Variants in TF observed in about 807,000 individuals in gnomAD.
The protein encoded by TF is transferrin, also known as serotransferrin.
Under a neutral mutation model 82.4 loss-of-function variants are expected in TF, and 55 were observed. That is an observed-to-expected ratio of 0.67 (90% CI 0.54 to 0.84). The LOEUF is 0.84. TF is among the 40% of genes least tolerant of loss of function. The pLI, the probability that TF is intolerant of heterozygous loss-of-function variation, is 0.00. For missense variants in TF, 737 were observed against 868.4 expected (o/e 0.85, Z 1.90); for synonymous variants, 332 against 332.6 (o/e 1.00, Z 0.02).
intron 1 of TF, chr3:133,748,165 G>A: frequency 1.8e-6 from 1 of 556,362 alleles, no homozygotes; most frequent in East Asian, 3.2e-5. Context: ...GCTGGGAGGT[G>A]ATGGCCATGC....
the TF span, among the ~76,000 whole-genome samples, chr3:133,686,172 C>A: frequency 6.6e-6 from 1 of 152,318 alleles, no homozygotes; most frequent in Non-Finnish European, 1.5e-5. Flanking sequence ...TGGATCCCTT[C>A]CTTACACCTT....
At chr3:133,683,221 A>G in the TF span, among the ~76,000 whole-genome samples, 1 of 152,232 alleles carries the variant, frequency 6.6e-6, no homozygotes, top group Non-Finnish European at 1.5e-5. Flanking sequence ...CATGGAAAGG[A>G]AAAACCGGTA....
the TF span, among the ~76,000 whole-genome samples, chr3:133,707,329 G>T: frequency 6.6e-6 from 1 of 152,160 alleles, no homozygotes; most frequent in African/African-American, 2.4e-5. Flanking sequence ...GTCATGGACC[G>T]CAGTGTGGTA....
At chr3:133,681,511 G>A in the TF span, among the ~76,000 whole-genome samples, 1 of 152,008 alleles carries the variant, frequency 6.6e-6, no homozygotes, top group East Asian at 1.9e-4. Context: ...CTAATACTGA[G>A]CTTTTCCAAA....
At chr3:133,678,063 A>G in the TF span, among the ~76,000 whole-genome samples, 1 of 151,942 alleles carries the variant, frequency 6.6e-6, no homozygotes, top group African/African-American at 2.4e-5. Context: ...CCCTGTGTCC[A>G]TGCATTCTCA....
Position 133,781,576 on chromosome 3 carries a change from T to C in TF, c.*2956T>C, listed in dbSNP as rs1415162658. 6.6e-6 allele frequency: 1 copy of C among 152,132 alleles called. No individual in the cohort carries two copies. Among genetic ancestry groups the C allele is most frequent in the Non-Finnish European group, 1.5e-5 (1 of 68,018 alleles). 9.4% of individuals were successfully genotyped at this position (152,132 alleles called of 1,614,324 possible). ...CTTTGGATAGGAAGACTCAGTATTG[T>C]AAAGATGTCAATTCTCCCTAAATTA... On this transcript the variant is annotated 3_prime_UTR_variant, in exon 17 of 17. Coordinates refer to ENST00000402696, the MANE Select transcript of TF (RefSeq NM_001063.4).
intron 14 of TF, among the ~76,000 whole-genome samples, chr3:133,772,069 G>A (rs138175612): frequency 6.6e-6 from 1 of 152,126 alleles, no homozygotes; most frequent in African/African-American, 2.4e-5. Flanking sequence ...AGACTCCTCT[G>A]TTCATATTGC....
At chr3:133,722,355 T>C in the TF span, among the ~76,000 whole-genome samples, 1 of 152,106 alleles carries the variant, frequency 6.6e-6, no homozygotes, top group East Asian at 1.9e-4. Context: ...TTGAGTCTTA[T>C]TTACTTAGCC....
the TF span, among the ~76,000 whole-genome samples, chr3:133,684,564 T>A: frequency 1.3e-5 from 2 of 152,134 alleles, no homozygotes; most frequent in African/African-American, 4.8e-5. Flanking sequence ...CATCAGAGAA[T>A]ACTATAAATA....
In TF at chr3:133,784,947, G is replaced by T. The variant is rs1311950828; in HGVS notation, c.*6327G>T. On this transcript the variant is annotated 3_prime_UTR_variant, in exon 17 of 17. Transcript: ENST00000402696. Reference sequence around the variant, plus strand: ...TAACAATACTATTTTTTAGGGAGGTGGGGGGGTCAGCCCCCCGCCTGGCCA... The same window carrying T: ...TAACAATACTATTTTTTAGGGAGGTTGGGGGGTCAGCCCCCCGCCTGGCCA... 2.5e-5 allele frequency: 2 copies of T among 79,944 alleles called. 1 individual carries two copies. The highest frequency in any genetic ancestry group is 6.3e-5 in the Non-Finnish European group (2 of 31,690). 5.0% of individuals were successfully genotyped at this position (79,944 alleles called of 1,614,324 possible).
At chr3:133,741,079 C>T (rs1234384396), upstream of TF, among the ~76,000 whole-genome samples, 1 of 148,552 alleles carries the variant, frequency 6.7e-6, no homozygotes, top group East Asian at 2.0e-4. Flanking sequence ...GCAACCTCTG[C>T]CTCCCAGATT....
the TF span, among the ~76,000 whole-genome samples, chr3:133,730,793 G>A: frequency 9.9e-5 from 15 of 152,156 alleles, no homozygotes; most frequent in Admixed American, 2.6e-4. Flanking sequence ...TGCATTCATA[G>A]CTTCAGTTCA....
At chr3:133,699,611 C>A in the TF span, 2 of 542,932 alleles carry the variant, frequency 3.7e-6, no homozygotes, top group South Asian at 1.4e-5. Context: ...AGAAGCTTCT[C>A]AACCAGGTCC....
the TF span, among the ~76,000 whole-genome samples, chr3:133,703,061 A>G: frequency 6.6e-6 from 1 of 152,222 alleles, no homozygotes; most frequent in Admixed American, 6.5e-5. Context: ...TCCACCAAGT[A>G]TGTTAGCCTC....
At chr3:133,746,693 C>T (rs2107905580) in intron 1 of TF, among the ~76,000 whole-genome samples, 1 of 152,352 alleles carries the variant, frequency 6.6e-6, no homozygotes, top group East Asian at 1.9e-4. Flanking sequence ...TCTCCCCCTC[C>T]TCCTCTTTGT....
the TF span, chr3:133,664,940 A>T: frequency 6.6e-6 from 1 of 152,106 alleles, no homozygotes; most frequent in Non-Finnish European, 1.5e-5. Flanking sequence ...TTACTTTGGC[A>T]GCATGTTTAC....
At chr3:133,689,268 G>A in the TF span, among the ~76,000 whole-genome samples, 1 of 152,086 alleles carries the variant, frequency 6.6e-6, no homozygotes, top group Non-Finnish European at 1.5e-5. Context: ...AGGTTGCAGT[G>A]AGCCAAGATT....
At position 133,784,482 on chromosome 3, in the gene TF, AT is replaced by A. The variant is rs1369924031; in HGVS notation, c.*5863del. 1.4e-5 allele frequency: 2 copies of A among 142,506 alleles called. No homozygotes were observed. The highest frequency in any genetic ancestry group is 3.0e-5 in the Non-Finnish European group (2 of 65,906). The allele number at this position is 142,506 out of a possible 1,614,324, so 8.8% of individuals were successfully genotyped here. A position where few individuals can be genotyped will look rare whatever the true frequency, so the allele number is the denominator to read the frequency against. On this transcript the variant is annotated 3_prime_UTR_variant, in exon 17 of 17. Coordinates refer to ENST00000402696, the MANE Select transcript of TF (RefSeq NM_001063.4). ...CCCATTTGTTAAAAAAATAATAATAATAATAATAATAATAATAATAATAATA... is the reference window on the plus strand; with the variant it reads ...CCCATTTGTTAAAAAAATAATAATAAAATAATAATAATAATAATAATAATA...
the TF span, among the ~76,000 whole-genome samples, chr3:133,692,129 C>T: frequency 7.9e-5 from 12 of 152,222 alleles, no homozygotes; most frequent in Non-Finnish European, 1.8e-4. Context: ...GGGGTCTCAC[C>T]CATGGGAGGC....
Sources: gnomAD v4.1 joint callset for allele counts (sites outside exome capture counted in the v4.1 genomes callset) on GRCh38, gnomAD v4.1.1 for gene constraint, MANE v1.5 for transcripts, NCBI Gene and HGNC (gene_info 2026-07-23, HGNC 2026-07-21) for gene names.